RGS12: variants seen among roughly 807,000 people sequenced by gnomAD.
RGS12 encodes the protein regulator of G protein signaling 12.
A neutral mutation model predicts 120.1 loss-of-function variants in RGS12; 66 were observed. The observed-to-expected ratio is 0.55, with a 90% CI of 0.45 to 0.67. The LOEUF (loss-of-function observed/expected upper bound fraction) is 0.67. Ranked by LOEUF, RGS12 falls within the 30% of genes least tolerant of loss-of-function variation. The pLI is 0.00. For synonymous variants in RGS12, 827 were observed against 804.7 expected, an observed-to-expected ratio of 1.03 and a Z score of -0.47; for missense variants, 1,859 against 1,957.7, an observed-to-expected ratio of 0.95 and a Z score of 0.95.
chr4:3,392,559 A>G (rs1344844673), intron 4 of RGS12, among the ~76,000 whole-genome samples: 3 of 152,330 alleles, frequency 2.0e-5, no homozygotes, highest in African/African-American at 7.2e-5. Context: ...AGTGTCAGAT[A>G]TACAGCTCAT....
intron 4 of RGS12, among the ~76,000 whole-genome samples, chr4:3,403,438 C>T (rs6852186): frequency 0.43 from 64,749 of 152,078 alleles, 14,057 homozygotes; most frequent in South Asian, 0.51. Context: ...CTGGGGATAC[C>T]GGGACCTCAC....
upstream of RGS12, among the ~76,000 whole-genome samples, chr4:3,292,304 G>GCGGTGCCT (rs1723066523): frequency 6.6e-6 from 1 of 152,178 alleles, no homozygotes; most frequent in African/African-American, 2.4e-5. Context: ...TCTCGTGCCA[G>GCGGTGCCT]CGGTGCCTCC....
intron 2 of RGS12, among the ~76,000 whole-genome samples, chr4:3,327,855 T>TA (rs1038221775): frequency 1.3e-5 from 2 of 152,224 alleles, no homozygotes; most frequent in African/African-American, 4.8e-5. Context: ...AAAATAGAGC[T>TA]ACCATTTGAG....
chr4:3,301,004 G>C (rs1578674074), intron 1 of RGS12, among the ~76,000 whole-genome samples: 1 of 152,230 alleles, frequency 6.6e-6, no homozygotes, highest in South Asian at 2.1e-4. Context: ...AGGGCACAGC[G>C]CTTCAGGCCC....
chr4:3,350,205 T>C (rs1436933682), intron 3 of RGS12, among the ~76,000 whole-genome samples: 3 of 152,244 alleles, frequency 2.0e-5, no homozygotes, highest in Non-Finnish European at 2.9e-5. Context: ...TAAAAAGTTA[T>C]ACAAATAAAG....
intron 3 of RGS12, chr4:3,370,202 G>A (rs1479077924): frequency 5.0e-6 from 8 of 1,584,746 alleles, no homozygotes; most frequent in Non-Finnish European, 6.9e-6. Flanking sequence ...TTTCTCACAC[G>A]CACAAGCTGC....
chr4:3,420,361 A>G, intron 9 of RGS12: 1 of 531,306 alleles, frequency 1.9e-6, no homozygotes, highest in African/African-American at 1.9e-5. Flanking sequence ...GCCATGAGCC[A>G]AGCATGTTTT....
chr4:3,436,690 T>C (rs1041215978), intron 17 of RGS12, among the ~76,000 whole-genome samples: 6 of 152,212 alleles, frequency 3.9e-5, no homozygotes, highest in African/African-American at 1.4e-4. Context: ...CCAGAGCAGC[T>C]GGCAGTGGCT....
Position 3,366,761 on chromosome 4 carries a change from C to T in RGS12, c.1999-19655C>T, listed in dbSNP as rs555453646. On this transcript the variant is annotated intron_variant, in intron 3 of 17. Coordinates refer to ENST00000336727, the MANE Select transcript of RGS12 (RefSeq NM_001394154.1). This position sits in a 1 kb window ranked among gnomAD's most constrained non-coding sequence, Gnocchi z 4.0. The stretch of plus-strand genomic sequence containing the variant: ...TCTAGCAGAGACTGGTGTGGGTGGG[C>T]GCAGGAACTGGTGAGAGAGGCCTGG... Among the ~76,000 whole-genome samples, 137 of 152,206 alleles carry T rather than the reference C, an allele frequency of 9.0e-4. 1 individual carries two copies. Among genetic ancestry groups the T allele is most frequent in the African/African-American group, 3.0e-3 (124 of 41,518 alleles).
the RGS12 span, among the ~76,000 whole-genome samples, chr4:3,286,591 G>T: frequency 6.6e-6 from 1 of 152,240 alleles, no homozygotes; most frequent in Admixed American, 6.5e-5. Flanking sequence ...TGTGCTGGGG[G>T]CTGCGGTGTG....
Position 3,423,593 on chromosome 4 carries a change from C to T in RGS12, c.3186C>T (p.Pro1062=), listed in dbSNP as rs758764407. The change falls in exon 13 of 18, where the codon CCC becomes CCT. Residue 1062 remains proline, a synonymous_variant. Coordinates refer to ENST00000336727, the MANE Select transcript of RGS12 (RefSeq NM_001394154.1). ...AGCCCGTCACGGAGGTGCTGCGGCC[C>T]GTGGTGGCCAGATACGGCCTGGACC... is the stretch of plus-strand genomic sequence containing the variant. The part of the protein sequence containing the change: ...PTKPVTEVLR[P]VVARYGLDLS... 53 of 1,612,236 alleles carry T rather than the reference C, an allele frequency of 3.3e-5. No homozygotes were observed. Among genetic ancestry groups the T allele is most frequent in the Non-Finnish European group, 4.0e-5 (47 of 1,179,952 alleles).
chr4:3,303,217 A>G (rs1343960457), intron 1 of RGS12, among the ~76,000 whole-genome samples: 2 of 152,128 alleles, frequency 1.3e-5, no homozygotes, highest in Non-Finnish European at 2.9e-5. Flanking sequence ...AAGCGCTGGC[A>G]GCTGTGGGCA....
chr4:3,413,380 C>T (rs111518642), intron 4 of RGS12: 3,269 of 152,392 alleles, frequency 0.021, 55 homozygotes, highest in African/African-American at 0.044. Context: ...TATCCCACAT[C>T]GGGTCTCCTG....
intron 3 of RGS12, chr4:3,369,939 A>G (rs754954615): frequency 2.5e-4 from 254 of 1,000,822 alleles, no homozygotes; most frequent in Non-Finnish European, 3.1e-4. Context: ...GCTAAAAAAA[A>G]CAAATTCTCT....
At chr4:3,414,415 G>A in intron 5 of RGS12, 174 bp downstream of exon 5, 1 of 726,904 alleles carries the variant, frequency 1.4e-6, no homozygotes, top group Non-Finnish European at 2.2e-6. Flanking sequence ...AGGAGGGTGG[G>A]TTGAATCCTG....
chr4:3,399,107 C>T (rs1332884474), intron 4 of RGS12, among the ~76,000 whole-genome samples: 1 of 152,098 alleles, frequency 6.6e-6, no homozygotes, highest in African/African-American at 2.4e-5. Context: ...TTCTATACTA[C>T]ACATCATCAC....
chr4:3,431,337 A>C (rs887148419), intron 17 of RGS12: 1 of 1,071,926 alleles, frequency 9.3e-7, no homozygotes, highest in African/African-American at 1.7e-5. Context: ...TTCTGTCTCA[A>C]GACTGGAAAA....
At chr4:3,413,586 C>T (rs1721994052) in intron 4 of RGS12, 1 of 154,870 alleles carries the variant, frequency 6.5e-6, no homozygotes, top group Non-Finnish European at 1.4e-5. Context: ...CAGGACGTAA[C>T]TCACGTGGCA....
intron 4 of RGS12, among the ~76,000 whole-genome samples, chr4:3,397,780 CGT>C (rs1720187952): frequency 6.6e-6 from 1 of 152,148 alleles, no homozygotes; most frequent in African/African-American, 2.4e-5. Context: ...GAGTCATCAG[CGT>C]TTCAATGAAA....
Sources: gnomAD v4.1 joint callset for allele counts (sites outside exome capture counted in the v4.1 genomes callset) on GRCh38, gnomAD v4.1.1 for gene constraint, Gnocchi (gnomAD v3.1) non-coding constraint, MANE v1.5 for transcripts, NCBI Gene and HGNC (gene_info 2026-07-23, HGNC 2026-07-21) for gene names.